The following GOSR1 variants were observed in gnomAD, a reference collection of about 807,000 sequenced individuals.
The protein encoded by GOSR1 is golgi SNAP receptor complex member 1, also known as 28 kDa Golgi SNARE protein.
A neutral mutation model predicts 35.5 loss-of-function variants in GOSR1; 21 were observed. That is an observed-to-expected ratio of 0.59 (90% CI 0.42 to 0.85). The LOEUF (loss-of-function observed/expected upper bound fraction) is 0.85, where lower values mean the gene tolerates loss of function less well. Ranked by LOEUF, GOSR1 falls within the 40% of genes least tolerant of loss-of-function variation. The probability of loss-of-function intolerance (pLI) is 0.00; values close to 1 mark genes in which losing one functional copy is unlikely to be tolerated. For missense variants in GOSR1, 285 were observed against 309.6 expected, an observed-to-expected ratio of 0.92 and a Z score of 0.60; for synonymous variants, 94 against 106.6, an observed-to-expected ratio of 0.88 and a Z score of 0.73.
chr17:30,510,144 G>A lies in GOSR1; in HGVS notation c.510-736G>A, dbSNP rs1417367435. ...GGAGTGCAGTGGCATGATGATTTCG[G>A]CTCACTGCAACCTATGCCTCCCGGG... On this transcript the variant is annotated intron_variant, in intron 6 of 8. Transcript: ENST00000451249. 2.0e-5 allele frequency among the ~76,000 whole-genome samples: 3 copies of A among 152,184 alleles called. No homozygotes were observed. In the East Asian group the frequency reaches 5.8e-4, roughly 30 times the overall value.
At chr17:30,520,535 T>G (rs1967990028) in intron 8 of GOSR1, 1 of 152,224 alleles carries the variant, frequency 6.6e-6, no homozygotes, top group Non-Finnish European at 1.5e-5. Context: ...TGTTGTAACC[T>G]CTACTTTAAA....
At chr17:30,503,332 C>T (rs546223576) in intron 6 of GOSR1, among the ~76,000 whole-genome samples, 49 of 152,150 alleles carry the variant, frequency 3.2e-4, no homozygotes, top group Non-Finnish European at 5.9e-5. Context: ...TTCCTCAGCA[C>T]GATAACTGGT....
Position 30,484,273 on chromosome 17 carries a change from C to T in GOSR1, c.206C>T (p.Ala69Val), listed in dbSNP as rs1452037773. ...CAAGACAGAATGTTTGAGACAATGG[C>T]GATTGAGATTGAACAACTTTTGGCA... is the stretch of plus-strand genomic sequence containing the variant. ...SSQDRMFETM[A>V]IEIEQLLARL... The change falls in exon 3 of 9, where the codon GCG becomes GTG. Residue 69 changes from alanine (A) to valine (V), a missense_variant. Around this residue, in one of 3 missense-constraint regions of GOSR1, gnomAD observed 108 missense variants for 98.9 expected, o/e 1.09. Coordinates refer to ENST00000451249, the MANE Select transcript of GOSR1 (RefSeq NM_001007025.2). The T allele has an allele frequency of 6.2e-6, 10 of 1,610,396 alleles. No individual in the cohort carries two copies. The highest frequency in any genetic ancestry group is 5.0e-5 in the Admixed American group (3 of 60,016).
intron 6 of GOSR1, among the ~76,000 whole-genome samples, chr17:30,498,514 G>A (rs1327144984): frequency 6.6e-6 from 1 of 152,208 alleles, no homozygotes; most frequent in Non-Finnish European, 1.5e-5. Context: ...TGAAGCTTCT[G>A]AAAGGGCTTT....
intron 6 of GOSR1, among the ~76,000 whole-genome samples, chr17:30,502,030 A>G (rs1271722123): frequency 1.3e-5 from 2 of 152,282 alleles, no homozygotes; most frequent in African/African-American, 2.4e-5. Context: ...ATTCAGTCAT[A>G]CAAAGTAATA....
intron 6 of GOSR1, among the ~76,000 whole-genome samples, chr17:30,502,430 A>G (rs560788570): frequency 1.3e-5 from 2 of 152,358 alleles, no homozygotes; most frequent in South Asian, 4.1e-4. Context: ...GAACGGGTGT[A>G]TAGTGTGTAC....
In GOSR1 at chr17:30,521,779, C is replaced by A. The variant is rs190320442; in HGVS notation, c.623-475C>A. Among the ~76,000 whole-genome samples, 375 of 152,202 alleles carry A rather than the reference C, an allele frequency of 2.5e-3. 1 individual carries two copies. Among genetic ancestry groups the A allele is most frequent in the African/African-American group, 8.7e-3 (361 of 41,514 alleles). ...TAAGGCGGGAAAAGATCAGGTATTTCTTCAAACTCTCAGGCAGAACTCCCC... is the reference window on the plus strand; with the variant it reads ...TAAGGCGGGAAAAGATCAGGTATTTATTCAAACTCTCAGGCAGAACTCCCC... On this transcript the variant is annotated intron_variant, in intron 8 of 8. Transcript: ENST00000451249.
At chr17:30,506,117 T>C (rs2143816497) in intron 6 of GOSR1, among the ~76,000 whole-genome samples, 1 of 152,276 alleles carries the variant, frequency 6.6e-6, no homozygotes, top group South Asian at 2.1e-4. Context: ...CACAGAACAG[T>C]ATTGAAATTA....
intron 6 of GOSR1, among the ~76,000 whole-genome samples, chr17:30,500,881 C>CTT (rs34673687): frequency 0.021 from 2,917 of 139,488 alleles, 77 homozygotes; most frequent in African/African-American, 0.057. Flanking sequence ...ACAAAGAACT[C>CTT]TTTTTTTTTT....
rs1194113598 is a variant in GOSR1 at position 30,524,985 on chromosome 17, G to C, written c.*2607G>C. 1.3e-5 allele frequency: 2 copies of C among 152,236 alleles called. No homozygotes were observed. The highest frequency in any genetic ancestry group is 4.8e-5 in the African/African-American group (2 of 41,460). The allele number at this position is 152,236 out of a possible 1,614,324, so 9.4% of individuals were successfully genotyped here. On this transcript the variant is annotated 3_prime_UTR_variant, in exon 9 of 9. Transcript: ENST00000451249. The stretch of plus-strand genomic sequence containing the variant: ...ATCCCTGGACAGTGACAGATTTTAA[G>C]CCAGCCACCAGAATTCTTTTCGAGT...
At chr17:30,519,198 C>G (rs1203649202) in intron 7 of GOSR1, among the ~76,000 whole-genome samples, 1 of 152,068 alleles carries the variant, frequency 6.6e-6, no homozygotes, top group African/African-American at 2.4e-5. Flanking sequence ...GTAGCTGGGA[C>G]TACAGGCACA....
Position 30,478,906 on chromosome 17 carries a change from C to T in GOSR1, c.31+1442C>T, listed in dbSNP as rs185567175. The T allele has an allele frequency of 3.3e-5, 5 of 152,326 alleles. No homozygotes were observed. In the East Asian group the frequency reaches 9.6e-4, roughly 29 times the overall value. 9.4% of individuals were successfully genotyped at this position (152,326 alleles called of 1,614,324 possible). A position where few individuals can be genotyped will look rare whatever the true frequency, so the allele number is the denominator to read the frequency against. On this transcript the variant is annotated intron_variant, in intron 1 of 8. Transcript: ENST00000451249. ...GAAGAGGCTACTGATATCTTTATTA[C>T]TAGTCATTAGCCTGTGGTTTTTTGA...
At chr17:30,500,322 GT>G (rs1238739743) in intron 6 of GOSR1, among the ~76,000 whole-genome samples, 1 of 151,746 alleles carries the variant, frequency 6.6e-6, no homozygotes, top group Non-Finnish European at 1.5e-5. Context: ...TTGTTTGTTT[GT>G]TTTTAAACCT....
chr17:30,484,763 T>C lies in GOSR1; in HGVS notation c.335T>C (p.Ile112Thr). Residue 112 changes from isoleucine to threonine, a missense_variant, in exon 4 of 9, where the codon ATA (isoleucine) becomes ACA (threonine). By Grantham distance (89) the Ile-to-Thr change is moderately conservative. Around this residue, in one of 3 missense-constraint regions of GOSR1, gnomAD observed 168 missense variants for 183.2 expected, o/e 0.92. Transcript: ENST00000451249. The stretch of plus-strand genomic sequence containing the variant: ...CATACATTACAGCGGCATAGAGACA[T>C]ATTGCAGGTAATATATTGGGCTCGA... The part of the protein sequence containing the change: ...LMHTLQRHRD[I>T]LQDYTHEFHK... 6.5e-7 allele frequency: 1 copy of C among 1,532,332 alleles called. No homozygotes were observed. The highest frequency in any genetic ancestry group is 9.0e-7 in the Non-Finnish European group (1 of 1,105,512). 94.9% of individuals were successfully genotyped at this position (1,532,332 alleles called of 1,614,324 possible). A position where few individuals can be genotyped will look rare whatever the true frequency, so the allele number is the denominator to read the frequency against.
At chr17:30,513,823 A>G (rs1414504203) in intron 7 of GOSR1, among the ~76,000 whole-genome samples, 1 of 152,104 alleles carries the variant, frequency 6.6e-6, no homozygotes, top group Non-Finnish European at 1.5e-5. Context: ...GGTGGTGCAC[A>G]TCTGTAAGCC....
intron 1 of GOSR1, among the ~76,000 whole-genome samples, chr17:30,480,689 C>G (rs1914275525): frequency 1.3e-5 from 2 of 150,068 alleles, no homozygotes; most frequent in South Asian, 4.2e-4. Context: ...CTGGGCAAGT[C>G]CTTGGTTTCC....
chr17:30,479,906 T>G (rs1455372539), intron 1 of GOSR1: 2 of 152,064 alleles, frequency 1.3e-5, no homozygotes, highest in Non-Finnish European at 2.9e-5. Flanking sequence ...CACTGGAGTT[T>G]AGGAGTTCGA....
Position 30,492,828 on chromosome 17 carries a change from A to G in GOSR1, c.509+75A>G, listed in dbSNP as rs1435351637. ...CATTTACTTATGTAACCAACATTTT[A>G]TGATGTTTATTATACTGAGTGCCTT... On this transcript the variant is annotated intron_variant, in intron 6 of 8. Coordinates refer to ENST00000451249, the MANE Select transcript of GOSR1 (RefSeq NM_001007025.2). 5 of 869,600 alleles carry G rather than the reference A, an allele frequency of 5.7e-6. No individual in the cohort carries two copies. In the African/African-American group the frequency reaches 8.3e-5, roughly 14 times the overall value. The allele number at this position is 869,600 out of a possible 1,614,324, so 53.9% of individuals were successfully genotyped here. A position where few individuals can be genotyped will look rare whatever the true frequency, so the allele number is the denominator to read the frequency against.
Position 30,481,229 on chromosome 17 carries a change from A to G in GOSR1, c.118A>G (p.Ser40Gly). ...CAAACTATGTACAAGTTACAGTCAT[A>G]GCAGTACCCGAGATGGAAGACGCGA... ...FSKLCTSYSH[S>G]STRDGRRDSS... Residue 40 changes from serine (S) to glycine (G), a missense_variant, in exon 2 of 9, where the codon AGC becomes GGC. Ser to Gly is a moderately conservative substitution (Grantham distance 56). Coordinates refer to ENST00000451249, the MANE Select transcript of GOSR1 (RefSeq NM_001007025.2). 6.2e-7 allele frequency: 1 copy of G among 1,606,246 alleles called. No homozygotes were observed. The highest frequency in any genetic ancestry group is 8.5e-7 in the Non-Finnish European group (1 of 1,172,830).
Sources: gnomAD v4.1 joint callset for allele counts (sites outside exome capture counted in the v4.1 genomes callset) on GRCh38, gnomAD v4.1.1 for gene constraint, gnomAD v4.1.1 regional missense constraint, MANE v1.5 for transcripts, NCBI Gene and HGNC (gene_info 2026-07-23, HGNC 2026-07-21) for gene names.